Variants in GNPNAT1 observed in about 807,000 individuals in gnomAD.
The protein encoded by GNPNAT1 is glucosamine 6-phosphate N-acetyltransferase.
GNPNAT1 carries 11 observed loss-of-function variants against 19.8 expected under a neutral mutation model. That is an observed-to-expected ratio of 0.56 (90% confidence interval 0.35 to 0.92). The LOEUF is 0.92. GNPNAT1 is among the 40% of genes least tolerant of loss of function. GNPNAT1 has a pLI of 0.01. For synonymous variants in GNPNAT1, 71 were observed against 72.3 expected (o/e 0.98, Z 0.09); for missense variants, 157 against 211.0 (o/e 0.74, Z 1.59).
chr14:52,780,436 T>C (rs985186451), intron 5 of GNPNAT1, among the ~76,000 whole-genome samples: 1 of 152,160 alleles, frequency 6.6e-6, no homozygotes, highest in African/African-American at 2.4e-5. Context: ...ACGAGAGCAT[T>C]ACTATAAAAA....
chr14:52,778,573 A>G (rs1239394013), intron 5 of GNPNAT1, 115 bp from the exon 6 acceptor site: 1 of 889,618 alleles, frequency 1.1e-6, no homozygotes. Flanking sequence ...ACAGGTTTAG[A>G]TTATGGCTTT....
At chr14:52,790,639 G>C (rs1033070312) in intron 1 of GNPNAT1, among the ~76,000 whole-genome samples, 9 of 152,070 alleles carry the variant, frequency 5.9e-5, no homozygotes, top group African/African-American at 2.2e-4. Context: ...TCTTGAGCTC[G>C]ATTACCATCC....
chr14:52,778,783 C>T (rs1300620327), intron 5 of GNPNAT1, among the ~76,000 whole-genome samples: 4 of 151,970 alleles, frequency 2.6e-5, no homozygotes, highest in East Asian at 3.9e-4. Flanking sequence ...TCTGGGAAGC[C>T]GAGGCAGGCG....
At chr14:52,787,961 GCTGAGAGGTCCC>G (rs1315116481) in intron 1 of GNPNAT1, 1 of 151,984 alleles carries the variant, frequency 6.6e-6, no homozygotes, top group African/African-American at 2.4e-5. Context: ...AATGTAGACT[GCTGAGAGGTCCC>G]CCCAGCCACA....
rs768132355 is a variant in GNPNAT1 at position 52,778,154 on chromosome 14, A to G, written c.*157T>C. The G allele has an allele frequency of 3.1e-5, 14 of 454,750 alleles. No individual in the cohort carries two copies. The highest frequency in any genetic ancestry group is 4.6e-5 in the Non-Finnish European group (12 of 260,804). 28.2% of individuals were successfully genotyped at this position (454,750 alleles called of 1,614,324 possible). The stretch of plus-strand genomic sequence containing the variant: ...ATTCACAGCATGTCCCACCAGCCCA[A>G]AGTAATCTTCTAAATGTCATTATAC... On this transcript the variant is annotated 3_prime_UTR_variant, in exon 6 of 6. Coordinates refer to ENST00000216410, the MANE Select transcript of GNPNAT1 (RefSeq NM_198066.4).
In GNPNAT1 at chr14:52,781,883, C is replaced by T. The variant is rs1882901973; in HGVS notation, c.246G>A (p.Gly82=). 5 of 1,607,540 alleles carry T rather than the reference C, an allele frequency of 3.1e-6. No individual in the cohort carries two copies. The highest frequency in any genetic ancestry group is 1.7e-5 in the Admixed American group (1 of 58,978). Reference sequence around the variant, plus strand: ...CTTCTACAACTGTAACATAATAATCCCCAGATTTCTTCATATGCTCAAAAG... The same window carrying T: ...CTTCTACAACTGTAACATAATAATCTCCAGATTTCTTCATATGCTCAAAAG... ...MKSFEHMKKS[G]DYYVTVVEDV... The change falls in exon 4 of 6, where the codon GGG becomes GGA. Residue 82 remains glycine (G), a synonymous_variant. Coordinates refer to ENST00000216410, the MANE Select transcript of GNPNAT1 (RefSeq NM_198066.4).
At chr14:52,786,500 G>A (rs191246998) in intron 1 of GNPNAT1, among the ~76,000 whole-genome samples, 119 of 152,026 alleles carry the variant, frequency 7.8e-4, no homozygotes, top group Admixed American at 1.4e-3. Context: ...GTGAAACTCC[G>A]TCTCAAAAAA....
chr14:52,784,439 A>G (rs951892982), intron 2 of GNPNAT1, 58 bp downstream of exon 2: 50 of 1,338,132 alleles, frequency 3.7e-5, no homozygotes, highest in Non-Finnish European at 4.8e-5. Context: ...TCTGCATCAT[A>G]ATGTTTAGAG....
intron 3 of GNPNAT1, among the ~76,000 whole-genome samples, chr14:52,783,176 ACACC>A (rs1257776013): frequency 2.6e-5 from 4 of 152,126 alleles, no homozygotes; most frequent in African/African-American, 9.7e-5. Context: ...TCTAGAGCTA[ACACC>A]TAGGTCCTAT....
At position 52,789,019 on chromosome 14, in the gene GNPNAT1, G is replaced by A. The variant is rs908085312; in HGVS notation, c.-15+2409C>T. ...GTTAACTCTTAAAAATACAATGAAC[G>A]ATGTATCATTATTATCCCAATTTTA... On this transcript the variant is annotated intron_variant, in intron 1 of 5. Coordinates refer to ENST00000216410, the MANE Select transcript of GNPNAT1 (RefSeq NM_198066.4). 5.3e-5 allele frequency among the ~76,000 whole-genome samples: 8 copies of A among 152,214 alleles called. No homozygotes were observed. In the South Asian group the frequency reaches 8.3e-4, roughly 16 times the overall value.
At chr14:52,780,801 G>A (rs1882876322) in intron 4 of GNPNAT1, 61 bp from the exon 5 acceptor site, 3 of 1,019,670 alleles carry the variant, frequency 2.9e-6, no homozygotes, top group Admixed American at 3.8e-5. Flanking sequence ...GCTAAAACGA[G>A]TTGGTAAGAA....
chr14:52,786,819 T>C (rs1883030567), intron 1 of GNPNAT1, among the ~76,000 whole-genome samples: 1 of 147,448 alleles, frequency 6.8e-6, no homozygotes, highest in Non-Finnish European at 1.5e-5. Flanking sequence ...GTATTCCTTA[T>C]CCAAAATGCT....
chr14:52,788,959 A>C (rs570697983), intron 1 of GNPNAT1, among the ~76,000 whole-genome samples: 1 of 152,364 alleles, frequency 6.6e-6, no homozygotes, highest in Non-Finnish European at 1.5e-5. Context: ...AAAAATAAAT[A>C]ATATTGGCTA....
intron 5 of GNPNAT1, 33 bp downstream of exon 5, chr14:52,780,646 T>G: frequency 6.9e-7 from 1 of 1,451,434 alleles, no homozygotes; most frequent in Non-Finnish European, 9.6e-7. Context: ...GGAACAAAAT[T>G]TATCCAGGGT....
chr14:52,788,350 T>G (rs1883072352), intron 1 of GNPNAT1, among the ~76,000 whole-genome samples: 1 of 151,236 alleles, frequency 6.6e-6, no homozygotes, highest in South Asian at 2.1e-4. Context: ...GAAAGGCTGG[T>G]CTTGAACTCC....
intron 1 of GNPNAT1, among the ~76,000 whole-genome samples, chr14:52,787,115 T>C (rs937875002): frequency 6.6e-5 from 10 of 151,992 alleles, no homozygotes; most frequent in Admixed American, 4.6e-4. Context: ...TTTTGGAGTG[T>C]TTTGGATTTT....
intron 5 of GNPNAT1, among the ~76,000 whole-genome samples, chr14:52,779,329 A>C (rs1296288293): frequency 6.6e-6 from 1 of 152,202 alleles, no homozygotes; most frequent in African/African-American, 2.4e-5. Flanking sequence ...TAAAGTGTGG[A>C]TCTAAGTGCC....
Position 52,780,670 on chromosome 14 carries a change from C to A in GNPNAT1, c.407+9G>T. 1 of 1,576,242 alleles carries A rather than the reference C, an allele frequency of 6.3e-7. No individual in the cohort carries two copies. The highest frequency in any genetic ancestry group is 8.7e-7 in the Non-Finnish European group (1 of 1,146,974). On this transcript the variant is annotated intron_variant, in intron 5 of 5. Transcript: ENST00000216410. The stretch of plus-strand genomic sequence containing the variant: ...TTTATCCAGGGTTACCTTGTTTCTG[C>A]CTACTTACAATTTGCCAAGCTGCTT...
chr14:52,778,626 A>T (rs1882800370), intron 5 of GNPNAT1, among the ~76,000 whole-genome samples, 168 bp from the exon 6 acceptor site: 1 of 152,174 alleles, frequency 6.6e-6, no homozygotes, highest in Non-Finnish European at 1.5e-5. Context: ...TAAATCACCA[A>T]AGCATTTTTA....
Sources: allele counts gnomAD v4.1 joint callset (sites outside exome capture counted in the v4.1 genomes callset), GRCh38; gene constraint gnomAD v4.1.1; transcripts MANE v1.5; gene names NCBI Gene and HGNC (gene_info 2026-07-23, HGNC 2026-07-21).